KCNMB4: variants seen among roughly 807,000 people sequenced by gnomAD.
KCNMB4 encodes the protein calcium-activated potassium channel subunit beta-4.
A neutral mutation model predicts 20.7 loss-of-function variants in KCNMB4; 3 were observed. The observed-to-expected ratio is 0.14, with a 90% CI of 0.07 to 0.37. The LOEUF is 0.37. Among genes scored for constraint, KCNMB4 ranks in the 10% least tolerant of loss-of-function variants. The pLI, the probability that KCNMB4 is intolerant of heterozygous loss-of-function variation, is 1.00. For missense variants in KCNMB4, 168 were observed against 265.9 expected, an observed-to-expected ratio of 0.63 and a Z score of 2.56; for synonymous variants, 110 against 113.4, an observed-to-expected ratio of 0.97 and a Z score of 0.19.
At chr12:70,389,235 T>C (rs1476091919) in intron 1 of KCNMB4, among the ~76,000 whole-genome samples, 3 of 152,300 alleles carry the variant, frequency 2.0e-5, no homozygotes, top group South Asian at 4.1e-4. Flanking sequence ...GAGGTAAGAA[T>C]CATCTCCCTT....
At chr12:70,374,747 C>G (rs182421482) in intron 1 of KCNMB4, among the ~76,000 whole-genome samples, 1 of 152,214 alleles carries the variant, frequency 6.6e-6, no homozygotes, top group Non-Finnish European at 1.5e-5. Flanking sequence ...GAAAAAATAT[C>G]TAGACTTGCT....
chr12:70,394,032 T>G (rs564350682), intron 1 of KCNMB4, among the ~76,000 whole-genome samples: 48 of 152,308 alleles, frequency 3.2e-4, no homozygotes, highest in Middle Eastern at 3.4e-3. Flanking sequence ...TATTCATGTC[T>G]TCTTTTGTAG....
intron 2 of KCNMB4, 79 bp from the exon 3 acceptor site, chr12:70,430,406 T>C: frequency 6.9e-7 from 1 of 1,448,524 alleles, no homozygotes; most frequent in Non-Finnish European, 9.5e-7. Context: ...GAAAGCAAGT[T>C]TGGCTTTAGG....
In KCNMB4 at chr12:70,396,168, G is replaced by C. The variant is rs78087840; in HGVS notation, c.337-4041G>C. ...TCCAAGAGAGGGATGCAGAGGGCAG[G>C]GGATCTCCTTGTCCTAAATCAGGAG... On this transcript the variant is annotated intron_variant, in intron 1 of 2. Coordinates refer to ENST00000258111, the MANE Select transcript of KCNMB4 (RefSeq NM_014505.6). Among the ~76,000 whole-genome samples the C allele has an allele frequency of 5.3e-3, 805 of 152,250 alleles. 2 individuals are homozygous for C. Among genetic ancestry groups the C allele is most frequent in the Non-Finnish European group, 8.8e-3 (601 of 68,020 alleles).
rs118079093 is a variant in KCNMB4, at chr12:70,380,516, A to G, written c.336+13446A>G. On this transcript the variant is annotated intron_variant, in intron 1 of 2. Coordinates refer to ENST00000258111, the MANE Select transcript of KCNMB4 (RefSeq NM_014505.6). ...CCACAAACCTTCCATCTGTAAAAGA[A>G]TGCAATATCTGCAAAACACAATAAA... 8.0e-3 allele frequency among the ~76,000 whole-genome samples: 1,211 copies of G among 152,286 alleles called. 11 individuals carry two copies. Among genetic ancestry groups the G allele is most frequent in the Non-Finnish European group, 0.013 (886 of 68,010 alleles).
At chr12:70,420,916 G>A (rs1200450979) in intron 2 of KCNMB4, among the ~76,000 whole-genome samples, 1 of 146,898 alleles carries the variant, frequency 6.8e-6, no homozygotes, top group African/African-American at 2.5e-5. Context: ...AAATTAGCCG[G>A]GCGTGGTGGC....
At chr12:70,372,031 A>G (rs1883605640) in intron 1 of KCNMB4, among the ~76,000 whole-genome samples, 1 of 152,218 alleles carries the variant, frequency 6.6e-6, no homozygotes, top group Non-Finnish European at 1.5e-5. Flanking sequence ...CAGAGACCCA[A>G]AGAACATGAG....
Position 70,400,358 on chromosome 12 carries a change from C to T in KCNMB4, c.464+22C>T, listed in dbSNP as rs191120649. On this transcript the variant is annotated intron_variant, in intron 2 of 2. Transcript: ENST00000258111. ...AAAGGTAAGTCAATATTTGCATGTG[C>T]GTGTTAAAATTGTTTGTAGACTCTG... The T allele has an allele frequency of 8.2e-6, 13 of 1,594,332 alleles. No individual in the cohort carries two copies. In the East Asian group the frequency reaches 1.8e-4, roughly 22 times the overall value.
intron 1 of KCNMB4, among the ~76,000 whole-genome samples, chr12:70,387,793 C>T (rs969606527): frequency 6.6e-6 from 1 of 152,102 alleles, no homozygotes; most frequent in East Asian, 1.9e-4. Flanking sequence ...AATCTATCCC[C>T]TCAAGCATTT....
At chr12:70,404,698 G>A (rs1469533342) in intron 2 of KCNMB4, among the ~76,000 whole-genome samples, 2 of 152,184 alleles carry the variant, frequency 1.3e-5, no homozygotes, top group Admixed American at 1.3e-4. Flanking sequence ...GACAATGTAA[G>A]TGATAAGGAA....
intron 2 of KCNMB4, chr12:70,422,778 C>A: frequency 7.9e-7 from 1 of 1,271,542 alleles, no homozygotes; most frequent in Non-Finnish European, 1.0e-6. Flanking sequence ...CCTTAATAGG[C>A]CCCCGATCTC....
intron 2 of KCNMB4, among the ~76,000 whole-genome samples, chr12:70,427,204 G>A (rs1033265765): frequency 6.6e-6 from 1 of 152,094 alleles, no homozygotes; most frequent in African/African-American, 2.4e-5. Context: ...AAACCCCTTT[G>A]CAAATAGTTT....
intron 1 of KCNMB4, among the ~76,000 whole-genome samples, chr12:70,382,624 T>G (rs1007399779): frequency 8.6e-5 from 13 of 152,034 alleles, no homozygotes; most frequent in African/African-American, 2.7e-4. Context: ...AAGGGAAAAC[T>G]TACACATTTT....
intron 2 of KCNMB4, among the ~76,000 whole-genome samples, chr12:70,405,538 G>T (rs966246123): frequency 3.9e-5 from 6 of 152,176 alleles, no homozygotes; most frequent in Non-Finnish European, 8.8e-5. Flanking sequence ...CCGTTGGTGG[G>T]AATGCAAAAG....
chr12:70,398,231 A>G (rs1868374530), intron 1 of KCNMB4, among the ~76,000 whole-genome samples: 1 of 152,104 alleles, frequency 6.6e-6, no homozygotes, highest in Non-Finnish European at 1.5e-5. Context: ...CAGTGTTTGT[A>G]GTCCTGCCTT....
At position 70,432,724 on chromosome 12, in the gene KCNMB4, A is replaced by G. The variant is rs960004157; in HGVS notation, c.*2071A>G. Reference sequence around the variant, plus strand: ...AGCATCCTTGTTGTCTTAGCAACACAGTGAACTATTCTGAAGCATAGAGTA... The same window carrying G: ...AGCATCCTTGTTGTCTTAGCAACACGGTGAACTATTCTGAAGCATAGAGTA... On this transcript the variant is annotated 3_prime_UTR_variant, in exon 3 of 3. Coordinates refer to ENST00000258111, the MANE Select transcript of KCNMB4 (RefSeq NM_014505.6). 6.6e-6 allele frequency: 1 copy of G among 152,230 alleles called. No individual in the cohort carries two copies. The allele number at this position is 152,230 out of a possible 1,614,324, so 9.4% of individuals were successfully genotyped here.
In KCNMB4 at chr12:70,433,090, C is replaced by T. The variant is rs189584620; in HGVS notation, c.*2437C>T. On this transcript the variant is annotated 3_prime_UTR_variant, in exon 3 of 3. Coordinates refer to ENST00000258111, the MANE Select transcript of KCNMB4 (RefSeq NM_014505.6). ...ACATGTAGTCTTAAGGTCTTACTTGCTTACAGCCAATTAAATTTGAAGCAC... is the reference window on the plus strand; with the variant it reads ...ACATGTAGTCTTAAGGTCTTACTTGTTTACAGCCAATTAAATTTGAAGCAC... 6.6e-6 allele frequency: 1 copy of T among 152,186 alleles called. No individual in the cohort carries two copies. Among genetic ancestry groups the T allele is most frequent in the Admixed American group, 6.5e-5 (1 of 15,278 alleles). 9.4% of individuals were successfully genotyped at this position (152,186 alleles called of 1,614,324 possible). A position where few individuals can be genotyped will look rare whatever the true frequency, so the allele number is the denominator to read the frequency against.
At chr12:70,369,286 A>G (rs958848673) in intron 1 of KCNMB4, among the ~76,000 whole-genome samples, 1 of 152,200 alleles carries the variant, frequency 6.6e-6, no homozygotes, top group African/African-American at 2.4e-5. Flanking sequence ...TAAATTCTCA[A>G]TTTGGAAATT....
chr12:70,418,716 A>AT (rs1868974513), intron 2 of KCNMB4, among the ~76,000 whole-genome samples: 1 of 152,110 alleles, frequency 6.6e-6, no homozygotes, highest in Admixed American at 6.6e-5. Context: ...ATCTGTGCAC[A>AT]TTGTACCCAG....
Sources: gnomAD v4.1 joint callset for allele counts (sites outside exome capture counted in the v4.1 genomes callset) on GRCh38, gnomAD v4.1.1 for gene constraint, MANE v1.5 for transcripts, NCBI Gene and HGNC (gene_info 2026-07-23, HGNC 2026-07-21) for gene names.